RBFOX3: variants seen among roughly 807,000 people sequenced by gnomAD.
The protein encoded by RBFOX3 is RNA binding fox-1 homolog 3.
RBFOX3 carries 17 observed loss-of-function variants against 48.7 expected under a neutral mutation model. The observed-to-expected ratio is 0.35, with a 90% CI of 0.24 to 0.52. The LOEUF (loss-of-function observed/expected upper bound fraction) is 0.52, where lower values mean the gene tolerates loss of function less well. RBFOX3 is among the 20% of genes least tolerant of loss of function. The pLI, the probability that RBFOX3 is intolerant of heterozygous loss-of-function variation, is 0.94. For synonymous variants in RBFOX3, 212 were observed against 209.5 expected (o/e 1.01, Z -0.10); for missense variants, 382 against 497.5 (o/e 0.77, Z 2.21).
chr17:79,506,103 G>A (rs2083076527), intron 1 of RBFOX3, among the ~76,000 whole-genome samples: 1 of 152,238 alleles, frequency 6.6e-6, no homozygotes, highest in Non-Finnish European at 1.5e-5. Flanking sequence ...AGCGTTTGAG[G>A]AAGAGTAAGG....
chr17:79,198,093 C>T lies in RBFOX3; in HGVS notation c.-34+37673G>A, dbSNP rs562350567. 4.7e-5 allele frequency among the ~76,000 whole-genome samples: 7 copies of T among 148,164 alleles called. No homozygotes were observed. Among genetic ancestry groups the T allele is most frequent in the South Asian group, 2.2e-4 (1 of 4,574 alleles). ...TGGGCTTGTCATCCCGGAAGTGCTACGGTTGCATCGTGTGGGGTGGGCTGT... is the reference window on the plus strand; with the variant it reads ...TGGGCTTGTCATCCCGGAAGTGCTATGGTTGCATCGTGTGGGGTGGGCTGT... On this transcript the variant is annotated intron_variant, in intron 4 of 14. Coordinates refer to ENST00000693108, the MANE Select transcript of RBFOX3 (RefSeq NM_001350451.2). The surrounding 1 kb of genome is among the most constrained non-coding windows in gnomAD (Gnocchi z 8.2).
chr17:79,621,291 G>T, the RBFOX3 span, among the ~76,000 whole-genome samples: 1 of 152,086 alleles, frequency 6.6e-6, no homozygotes. Flanking sequence ...GAGCCACCAC[G>T]CCCAGCCTGT....
At chr17:79,100,174 G>A (rs566423001) in intron 9 of RBFOX3, 1 of 152,378 alleles carries the variant, frequency 6.6e-6, no homozygotes, top group African/African-American at 2.4e-5. Flanking sequence ...ATGCTCCCCT[G>A]AATTCTCACT....
At chr17:79,398,193 G>A (rs1310026058) in intron 2 of RBFOX3, among the ~76,000 whole-genome samples, 1 of 152,092 alleles carries the variant, frequency 6.6e-6, no homozygotes, top group Non-Finnish European at 1.5e-5. Context: ...TGATCCTGCT[G>A]GGCCTCGGGA....
At chr17:79,484,638 G>A (rs2079290941) in intron 1 of RBFOX3, among the ~76,000 whole-genome samples, 1 of 152,142 alleles carries the variant, frequency 6.6e-6, no homozygotes, top group Non-Finnish European at 1.5e-5. Flanking sequence ...GTGGAAGGCA[G>A]CCCAGGTTGG....
chr17:79,118,723 A>G (rs979767507), intron 4 of RBFOX3, among the ~76,000 whole-genome samples: 1 of 152,066 alleles, frequency 6.6e-6, no homozygotes, highest in African/African-American at 2.4e-5. Context: ...CTGTAATCCC[A>G]GCACTTTGGG....
chr17:79,559,665 G>GGATGGATGGGTT, intron 1 of RBFOX3, among the ~76,000 whole-genome samples: 1 of 140,866 alleles, frequency 7.1e-6, no homozygotes, highest in Non-Finnish European at 1.6e-5. Context: ...ATGGATGGGT[G>GGATGGATGGGTT]GGTGGGTGGA....
At chr17:79,283,025 C>T (rs535348547) in intron 3 of RBFOX3, among the ~76,000 whole-genome samples, 3 of 152,240 alleles carry the variant, frequency 2.0e-5, no homozygotes, top group South Asian at 2.1e-4. Context: ...ATCACAGGCA[C>T]ACAATCTGAG....
chr17:79,658,038 A>G, the RBFOX3 span, among the ~76,000 whole-genome samples: 6 of 152,172 alleles, frequency 3.9e-5, no homozygotes, highest in Admixed American at 6.5e-5. Flanking sequence ...TTCTGTAAGA[A>G]TGACAAATGA....
At chr17:79,652,330 G>A in the RBFOX3 span, among the ~76,000 whole-genome samples, 1 of 151,800 alleles carries the variant, frequency 6.6e-6, no homozygotes, top group Non-Finnish European at 1.5e-5. Context: ...ATAAGCTGGG[G>A]TCAATAGAAG....
At chr17:79,542,581 C>T (rs1480386715) in intron 1 of RBFOX3, among the ~76,000 whole-genome samples, 9 of 152,152 alleles carry the variant, frequency 5.9e-5, no homozygotes, top group Non-Finnish European at 1.0e-4. Flanking sequence ...ATCAGGAGTT[C>T]GAGATCAGCC....
chr17:79,547,704 C>A (rs922626728), intron 1 of RBFOX3, among the ~76,000 whole-genome samples: 2 of 152,200 alleles, frequency 1.3e-5, no homozygotes, highest in Non-Finnish European at 1.5e-5. Context: ...CAGGGGCTGC[C>A]GTCCAGCACC....
At chr17:79,266,224 C>T (rs888477624) in intron 3 of RBFOX3, among the ~76,000 whole-genome samples, 1 of 152,170 alleles carries the variant, frequency 6.6e-6, no homozygotes, top group Non-Finnish European at 1.5e-5. Flanking sequence ...CTGGCCTGGC[C>T]TCCATCCCCA....
At chr17:79,524,501 C>T (rs2086540040) in intron 1 of RBFOX3, among the ~76,000 whole-genome samples, 1 of 152,198 alleles carries the variant, frequency 6.6e-6, no homozygotes, top group African/African-American at 2.4e-5. Context: ...GATTTCACTG[C>T]CAGATGACTA....
At chr17:79,389,106 G>T (rs758808637) in intron 2 of RBFOX3, among the ~76,000 whole-genome samples, 12 of 152,002 alleles carry the variant, frequency 7.9e-5, no homozygotes, top group Non-Finnish European at 1.3e-4. Context: ...GCGCGGGGGG[G>T]CGGTGTGGCA....
At chr17:79,627,611 A>G in the RBFOX3 span, among the ~76,000 whole-genome samples, 1 of 152,126 alleles carries the variant, frequency 6.6e-6, no homozygotes, top group East Asian at 1.9e-4. Context: ...AGGATCCGAG[A>G]CCCAAGCAGC....
intron 2 of RBFOX3, among the ~76,000 whole-genome samples, chr17:79,406,643 G>A (rs1013210949): frequency 6.6e-6 from 1 of 152,154 alleles, no homozygotes; most frequent in African/African-American, 2.4e-5. Context: ...GTGACGCGGC[G>A]CTGAGTGTCA....
At chr17:79,551,193 G>A (rs966091908) in intron 1 of RBFOX3, among the ~76,000 whole-genome samples, 13 of 152,186 alleles carry the variant, frequency 8.5e-5, no homozygotes, top group Non-Finnish European at 1.3e-4. Flanking sequence ...AGTTAGAAGA[G>A]ATGACTCTGT....
chr17:79,127,812 A>AC (rs2037713099), intron 4 of RBFOX3, among the ~76,000 whole-genome samples: 1 of 151,852 alleles, frequency 6.6e-6, no homozygotes, highest in African/African-American at 2.4e-5. Context: ...GAGACCTGTG[A>AC]CCCCCGATCC....
Sources: allele counts gnomAD v4.1 joint callset (sites outside exome capture counted in the v4.1 genomes callset), GRCh38; gene constraint gnomAD v4.1.1; non-coding constraint Gnocchi (gnomAD v3.1); transcripts MANE v1.5; gene names NCBI Gene and HGNC (gene_info 2026-07-23, HGNC 2026-07-21).